The following PCDHA11 variants were observed in gnomAD, a reference collection of about 807,000 sequenced individuals.
PCDHA11 encodes the protein protocadherin alpha-11.
Under a neutral mutation model 70.3 loss-of-function variants are expected in PCDHA11, and 61 were observed. The observed-to-expected ratio is 0.87, with a 90% confidence interval of 0.71 to 1.07. The LOEUF (loss-of-function observed/expected upper bound fraction) is 1.07. Among genes scored for constraint, PCDHA11 ranks in the 50% least tolerant of loss-of-function variants. PCDHA11 has a pLI of 0.00. For missense variants in PCDHA11, 1,324 were observed against 1,237.5 expected (o/e 1.07, Z -1.05); for synonymous variants, 633 against 555.1 (o/e 1.14, Z -1.97).
chr5:140,887,025 T>G (rs1352119867), intron 1 of PCDHA11, among the ~76,000 whole-genome samples: 3 of 152,076 alleles, frequency 2.0e-5, no homozygotes, highest in Non-Finnish European at 4.4e-5. Context: ...CCTGAAAAAT[T>G]TCTTTAATAT....
intron 3 of PCDHA11, among the ~76,000 whole-genome samples, chr5:140,999,135 C>T (rs2097848218): frequency 6.6e-6 from 1 of 152,180 alleles, no homozygotes; most frequent in Non-Finnish European, 1.5e-5. Context: ...GAAAATGTCA[C>T]AGCCGGAAGT....
At chr5:141,002,567 C>T (rs2098086110) in intron 3 of PCDHA11, among the ~76,000 whole-genome samples, 1 of 152,210 alleles carries the variant, frequency 6.6e-6, no homozygotes, top group Admixed American at 6.5e-5. Context: ...CAGTTAGTGA[C>T]CATGTGACCA....
At chr5:140,878,451 T>A (rs2057595888) in intron 1 of PCDHA11, among the ~76,000 whole-genome samples, 1 of 152,250 alleles carries the variant, frequency 6.6e-6, no homozygotes, top group Non-Finnish European at 1.5e-5. Context: ...CTTATTTACA[T>A]GAAATATAAT....
chr5:140,961,760 A>G (rs1563318527), intron 1 of PCDHA11, among the ~76,000 whole-genome samples: 3 of 152,172 alleles, frequency 2.0e-5, no homozygotes. Context: ...TTTTGAAGGA[A>G]TTTATATCAA....
intron 3 of PCDHA11, 49 bp downstream of exon 3, chr5:140,982,612 C>A (rs782489208): frequency 6.3e-7 from 1 of 1,599,358 alleles, no homozygotes; most frequent in Admixed American, 1.7e-5. Context: ...GGAAAGTGAT[C>A]AGATGACCTA....
intron 1 of PCDHA11, chr5:140,930,241 C>T (rs2086688232): frequency 1.3e-5 from 2 of 152,148 alleles, no homozygotes; most frequent in African/African-American, 2.4e-5. Context: ...ATCCAAAGTC[C>T]ATTCAACTTG....
At chr5:140,873,642 G>T (rs1217578025) in intron 1 of PCDHA11, among the ~76,000 whole-genome samples, 1 of 152,154 alleles carries the variant, frequency 6.6e-6, no homozygotes, top group Non-Finnish European at 1.5e-5. Flanking sequence ...GAGTATGTGA[G>T]AACTACATAA....
At chr5:140,998,347 T>C (rs2097807005) in intron 3 of PCDHA11, among the ~76,000 whole-genome samples, 1 of 152,202 alleles carries the variant, frequency 6.6e-6, no homozygotes, top group Non-Finnish European at 1.5e-5. Context: ...TCTGAGTCTG[T>C]GCTCTTAACC....
At chr5:140,993,523 C>CAG (rs111789518) in intron 3 of PCDHA11, among the ~76,000 whole-genome samples, 24 of 145,748 alleles carry the variant, frequency 1.6e-4, no homozygotes, top group African/African-American at 5.0e-4. Flanking sequence ...GAGAGAGAGA[C>CAG]AGAGAGAGAG....
intron 1 of PCDHA11, among the ~76,000 whole-genome samples, chr5:140,879,397 G>A (rs973374921): frequency 6.6e-6 from 1 of 152,188 alleles, no homozygotes; most frequent in Non-Finnish European, 1.5e-5. Context: ...AACAGTTTGT[G>A]TGTATTTGAG....
intron 1 of PCDHA11, chr5:140,877,748 G>C: frequency 6.2e-7 from 1 of 1,614,188 alleles, no homozygotes; most frequent in Non-Finnish European, 8.5e-7. Flanking sequence ...CAGAGGGTGT[G>C]CTCTGCAGAG....
intron 1 of PCDHA11, chr5:140,968,434 C>T: frequency 6.8e-6 from 11 of 1,613,948 alleles, no homozygotes; most frequent in Non-Finnish European, 8.5e-6. Flanking sequence ...ACAAGGGGAG[C>T]CCACCACTGA....
intron 1 of PCDHA11, among the ~76,000 whole-genome samples, chr5:140,950,537 C>T (rs1439965496): frequency 1.3e-5 from 2 of 152,002 alleles, no homozygotes; most frequent in Non-Finnish European, 1.5e-5. Flanking sequence ...TTTTGTTGCT[C>T]TTGCATGGCT....
chr5:140,871,643 C>G (rs1432039358), intron 1 of PCDHA11, 149 bp downstream of exon 1: 1 of 1,293,296 alleles, frequency 7.7e-7, no homozygotes, highest in Admixed American at 2.9e-5. Flanking sequence ...TCATAAAATA[C>G]CAAATGATAC....
At chr5:140,876,543 C>T (rs1357446844) in intron 1 of PCDHA11, 10 of 1,614,022 alleles carry the variant, frequency 6.2e-6, no homozygotes, top group African/African-American at 2.7e-5. Context: ...CACTGTCGCT[C>T]CCTGTGCAAG....
intron 3 of PCDHA11, 60 bp from the exon 4 acceptor site, chr5:141,009,567 A>T: frequency 6.3e-7 from 1 of 1,575,430 alleles, no homozygotes; most frequent in Admixed American, 1.8e-5. Flanking sequence ...CTCTACCAGC[A>T]GTGTGGCATC....
chr5:141,009,736 G>T lies in PCDHA11; in HGVS notation c.2649G>T (p.Leu883Phe). 1 of 1,614,086 alleles carries T rather than the reference G, an allele frequency of 6.2e-7. No homozygotes were observed. Among genetic ancestry groups the T allele is most frequent in the East Asian group, 2.2e-5 (1 of 44,872 alleles). Residue 883 changes from leucine to phenylalanine, a missense_variant, in exon 4 of 4, where the codon TTG becomes TTT. Leu to Phe is a conservative substitution (Grantham distance 22). Transcript: ENST00000398640. ...GNPKQSGPGE[L>F]PDKFIIPGSP... ...CCAAACAATCCGGTCCCGGTGAGTT[G>T]CCCGACAAATTCATTATCCCAGGAT...
chr5:140,902,859 A>G (rs964505072), intron 1 of PCDHA11, among the ~76,000 whole-genome samples: 18 of 152,208 alleles, frequency 1.2e-4, no homozygotes, highest in African/African-American at 4.3e-4. Context: ...AATGGCGTCC[A>G]GGTCCACCCA....
At chr5:140,915,446 GT>G (rs2077122918) in intron 1 of PCDHA11, among the ~76,000 whole-genome samples, 1 of 152,184 alleles carries the variant, frequency 6.6e-6, no homozygotes, top group African/African-American at 2.4e-5. Flanking sequence ...TCTTGAGAAG[GT>G]TTTCCAGAAG....
Sources: allele counts gnomAD v4.1 joint callset (sites outside exome capture counted in the v4.1 genomes callset), GRCh38; gene constraint gnomAD v4.1.1; transcripts MANE v1.5; gene names NCBI Gene and HGNC (gene_info 2026-07-23, HGNC 2026-07-21).